BCO1: variants seen among roughly 807,000 people sequenced by gnomAD.
BCO1 encodes the protein beta,beta-carotene 15,15'-dioxygenase.
Under a neutral mutation model 56.3 loss-of-function variants are expected in BCO1, and 54 were observed. The ratio of observed to expected loss-of-function variants is 0.96; its 90% CI spans 0.77 to 1.20. The LOEUF is 1.20. Ranked by LOEUF, BCO1 falls within the 50% of genes most tolerant of loss-of-function variation. The pLI, the probability that BCO1 is intolerant of heterozygous loss-of-function variation, is 0.00. For synonymous variants in BCO1, 318 were observed against 266.1 expected (o/e 1.20, Z -1.90); for missense variants, 801 against 690.9 (o/e 1.16, Z -1.79).
intron 5 of BCO1, among the ~76,000 whole-genome samples, chr16:81,265,620 C>A (rs1045157569): frequency 4.7e-5 from 7 of 150,154 alleles, no homozygotes; most frequent in African/African-American, 1.7e-4. Flanking sequence ...ATCCACCCAC[C>A]CATCCACCAT....
chr16:81,282,597 AG>A (rs1907945618), intron 8 of BCO1, among the ~76,000 whole-genome samples: 2 of 151,980 alleles, frequency 1.3e-5, no homozygotes, highest in Admixed American at 1.3e-4. Flanking sequence ...TGGAGTCTTT[AG>A]AAATGAATCA....
intron 1 of BCO1, among the ~76,000 whole-genome samples, chr16:81,239,816 T>C (rs893779483): frequency 6.6e-6 from 1 of 152,082 alleles, no homozygotes; most frequent in African/African-American, 2.4e-5. Context: ...TTTTTCCTCC[T>C]CTTTTGAGTT....
chr16:81,266,224 T>G (rs761309662), intron 5 of BCO1, among the ~76,000 whole-genome samples: 9 of 152,176 alleles, frequency 5.9e-5, no homozygotes, highest in Non-Finnish European at 1.3e-4. Flanking sequence ...CTTCTCCATG[T>G]GGGGCTGGGA....
In BCO1 at chr16:81,284,240, TTATATATTTATATATAAATATATA is replaced by T. The variant is rs1567465635; in HGVS notation, c.1208-1298_1208-1275del. 1.9e-3 allele frequency among the ~76,000 whole-genome samples: 275 copies of T among 146,718 alleles called. 2 individuals carry two copies. Among genetic ancestry groups the T allele is most frequent in the African/African-American group, 6.1e-3 (245 of 40,224 alleles). On this transcript the variant is annotated intron_variant, in intron 8 of 10. Coordinates refer to ENST00000258168, the MANE Select transcript of BCO1 (RefSeq NM_017429.3). ...TATATATATATATATTTTTATATATTTATATATTTATATATAAATATATATTTATATATTTATATATAAATATAT... is the reference window on the plus strand; with the variant it reads ...TATATATATATATATTTTTATATATTTTTATATATTTATATATAAATATAT...
At chr16:81,252,085 G>T (rs905194107) in intron 2 of BCO1, among the ~76,000 whole-genome samples, 1 of 152,050 alleles carries the variant, frequency 6.6e-6, no homozygotes, top group African/African-American at 2.4e-5. Context: ...TCCAGGGTCA[G>T]CCTTGAGTAA....
chr16:81,261,986 C>T, intron 3 of BCO1, 150 bp from the exon 4 acceptor site: 1 of 881,548 alleles, frequency 1.1e-6, no homozygotes, highest in Non-Finnish European at 1.8e-6. Context: ...TCGTGATCCA[C>T]CTGCCTCGGC....
intron 1 of BCO1, among the ~76,000 whole-genome samples, chr16:81,240,388 T>C (rs1315920843): frequency 1.3e-5 from 2 of 152,084 alleles, no homozygotes; most frequent in African/African-American, 4.8e-5. Flanking sequence ...TGACTGTTCA[T>C]CTGTACATAT....
intron 1 of BCO1, among the ~76,000 whole-genome samples, chr16:81,243,966 G>T (rs1025902024): frequency 1.3e-5 from 2 of 152,240 alleles, no homozygotes; most frequent in Non-Finnish European, 2.9e-5. Context: ...CGTAAAACAT[G>T]CCTCTCGTGA....
chr16:81,277,573 T>A (rs1001983124), intron 7 of BCO1, among the ~76,000 whole-genome samples: 1 of 152,134 alleles, frequency 6.6e-6, no homozygotes, highest in East Asian at 1.9e-4. Context: ...CCACCCCGAT[T>A]TTACACAGTG....
chr16:81,287,367 CT>C lies in BCO1; in HGVS notation c.1376del (p.Leu459ArgfsTer15). The C allele has an allele frequency of 6.2e-7, 1 of 1,613,806 alleles. No homozygotes were observed. The highest frequency in any genetic ancestry group is 8.5e-7 in the Non-Finnish European group (1 of 1,179,740). On this transcript the variant is annotated frameshift_variant, in exon 10 of 11. Transcript: ENST00000258168. LOFTEE classifies it low-confidence loss of function (END_TRUNC). ...REDDCWPAEP[L>X]FVPAPGAKDE... ...GGACGACTGCTGGCCAGCGGAACCC[CT>C]GTTTGTGCCCGCGCCAGGTGCCAAG...
intron 2 of BCO1, among the ~76,000 whole-genome samples, chr16:81,254,129 T>C (rs149780844): frequency 6.8e-4 from 104 of 151,984 alleles, no homozygotes; most frequent in African/African-American, 2.4e-3. Flanking sequence ...TTTTATTTTA[T>C]TGTATATTTT....
chr16:81,251,874 A>ATGTGTGTGTGTGTGTG lies in BCO1; in HGVS notation c.193+6273_193+6288dup, dbSNP rs56069135. Among the ~76,000 whole-genome samples, 1,155 of 146,678 alleles carry ATGTGTGTGTGTGTGTG rather than the reference A, an allele frequency of 7.9e-3. 19 individuals are homozygous for ATGTGTGTGTGTGTGTG. Among genetic ancestry groups the ATGTGTGTGTGTGTGTG allele is most frequent in the African/African-American group, 0.027 (1,054 of 38,838 alleles). ...CACGCACACACACACACACACATAT[A>ATGTGTGTGTGTGTGTG]TGTGTGTGTGTGTGTGTATATATAT... is the stretch of plus-strand genomic sequence containing the variant. On this transcript the variant is annotated intron_variant, in intron 2 of 10. Transcript: ENST00000258168.
intron 2 of BCO1, among the ~76,000 whole-genome samples, chr16:81,246,500 C>T (rs1389076260): frequency 1.3e-5 from 2 of 151,990 alleles, no homozygotes; most frequent in Non-Finnish European, 2.9e-5. Context: ...ATCAGGTAGG[C>T]AAGAGCAGGT....
intron 2 of BCO1, among the ~76,000 whole-genome samples, chr16:81,252,734 G>A (rs1175948496): frequency 6.6e-6 from 1 of 152,224 alleles, no homozygotes; most frequent in Non-Finnish European, 1.5e-5. Context: ...CAGTGAGTAT[G>A]TGTGGCCTTG....
intron 6 of BCO1, 121 bp from the exon 7 acceptor site, chr16:81,270,038 A>G (rs913354260): frequency 4.7e-6 from 6 of 1,273,904 alleles, no homozygotes; most frequent in Non-Finnish European, 6.8e-6. Context: ...CACAGAATGC[A>G]GAATGGGGAC....
chr16:81,264,918 G>T, intron 5 of BCO1, 131 bp downstream of exon 5: 1 of 1,021,904 alleles, frequency 9.8e-7, no homozygotes, highest in Non-Finnish European at 1.5e-6. Flanking sequence ...GGTGGACCAT[G>T]AAGTCAGTAC....
intron 4 of BCO1, chr16:81,263,819 C>G (rs1340670313): frequency 1.3e-5 from 2 of 152,214 alleles, no homozygotes; most frequent in African/African-American, 4.8e-5. Context: ...ATTCCGATGT[C>G]TCTGCAATAC....
chr16:81,278,233 G>A (rs1390701897), intron 7 of BCO1, among the ~76,000 whole-genome samples: 2 of 152,006 alleles, frequency 1.3e-5, no homozygotes, highest in Admixed American at 1.3e-4. Context: ...GTAGAGATGG[G>A]GTTTCACCAT....
chr16:81,268,189 G>C, intron 6 of BCO1, 58 bp downstream of exon 6: 1 of 1,496,892 alleles, frequency 6.7e-7, no homozygotes, highest in East Asian at 2.3e-5. Flanking sequence ...AGGGAGGCTG[G>C]TGTGCAGGAG....
Sources: gnomAD v4.1 joint callset for allele counts (sites outside exome capture counted in the v4.1 genomes callset) on GRCh38, gnomAD v4.1.1 for gene constraint, MANE v1.5 for transcripts, NCBI Gene and HGNC (gene_info 2026-07-23, HGNC 2026-07-21) for gene names.